The following MAPK10 variants were observed in gnomAD, a reference collection of about 807,000 sequenced individuals.
The protein encoded by MAPK10 is JNK3 alpha protein kinase.
A neutral mutation model predicts 59.3 loss-of-function variants in MAPK10; 25 were observed. The ratio of observed to expected loss-of-function variants is 0.42; its 90% CI spans 0.31 to 0.59. The LOEUF (loss-of-function observed/expected upper bound fraction) is 0.59, where lower values mean the gene tolerates loss of function less well. Ranked by LOEUF, MAPK10 falls within the 20% of genes least tolerant of loss-of-function variation. The probability of loss-of-function intolerance (pLI) is 0.15; values close to 1 mark genes in which losing one functional copy is unlikely to be tolerated. For synonymous variants in MAPK10, 190 were observed against 200.5 expected, an observed-to-expected ratio of 0.95 and a Z score of 0.44; for missense variants, 351 against 568.9, an observed-to-expected ratio of 0.62 and a Z score of 3.90.
At chr4:86,076,256 G>A (rs1243984279) in intron 9 of MAPK10, among the ~76,000 whole-genome samples, 3 of 152,028 alleles carry the variant, frequency 2.0e-5, no homozygotes, top group Non-Finnish European at 4.4e-5. Flanking sequence ...TTCGGCTCGC[G>A]CACGGTGCGC....
At chr4:86,055,711 T>C (rs544454611) in intron 11 of MAPK10, among the ~76,000 whole-genome samples, 1 of 149,876 alleles carries the variant, frequency 6.7e-6, no homozygotes, top group South Asian at 2.1e-4. Flanking sequence ...TTAAAAGAGC[T>C]TTCTTATTAT....
At chr4:86,317,764 T>C (rs536060301) in intron 2 of MAPK10, among the ~76,000 whole-genome samples, 3 of 152,312 alleles carry the variant, frequency 2.0e-5, no homozygotes, top group South Asian at 4.1e-4. Flanking sequence ...TATTTTAGCA[T>C]CTCTATTAGT....
At chr4:86,518,604 A>G (rs542266028) in intron 1 of MAPK10, among the ~76,000 whole-genome samples, 1 of 143,656 alleles carries the variant, frequency 7.0e-6, no homozygotes, top group Non-Finnish European at 1.5e-5. Context: ...TTTGGTTTCA[A>G]TTTCATTTAG....
intron 1 of MAPK10, among the ~76,000 whole-genome samples, chr4:86,480,847 G>A (rs999888635): frequency 3.9e-5 from 6 of 152,150 alleles, no homozygotes; most frequent in South Asian, 2.1e-4. Flanking sequence ...AATGAAGATC[G>A]AAAGACCCAG....
At chr4:86,574,622 A>AT (rs1761735847) in intron 1 of MAPK10, among the ~76,000 whole-genome samples, 1 of 152,108 alleles carries the variant, frequency 6.6e-6, no homozygotes, top group Non-Finnish European at 1.5e-5. Context: ...ATGGTATCTC[A>AT]TTGTGGTTTT....
At chr4:86,286,411 T>A (rs1490850527) in intron 2 of MAPK10, among the ~76,000 whole-genome samples, 1 of 152,122 alleles carries the variant, frequency 6.6e-6, no homozygotes, top group Non-Finnish European at 1.5e-5. Flanking sequence ...CGTTACTGAA[T>A]AGTAATGATA....
intron 1 of MAPK10, among the ~76,000 whole-genome samples, chr4:86,471,745 A>C (rs1056499084): frequency 6.6e-6 from 1 of 152,186 alleles, no homozygotes. Flanking sequence ...AAAAATTGTT[A>C]CTTAATTACT....
chr4:86,216,730 C>T (rs2087768225), intron 2 of MAPK10, among the ~76,000 whole-genome samples: 2 of 151,816 alleles, frequency 1.3e-5, no homozygotes, highest in Admixed American at 6.6e-5. Context: ...AATTATGACA[C>T]AGATACATGT....
At chr4:86,189,051 T>A (rs2079012920) in intron 3 of MAPK10, among the ~76,000 whole-genome samples, 1 of 152,150 alleles carries the variant, frequency 6.6e-6, no homozygotes, top group African/African-American at 2.4e-5. Context: ...ATCAGATGGT[T>A]GTAGATTTGG....
intron 1 of MAPK10, among the ~76,000 whole-genome samples, chr4:86,461,715 C>T (rs1042277103): frequency 2.6e-5 from 4 of 152,150 alleles, no homozygotes; most frequent in Admixed American, 2.6e-4. Flanking sequence ...GGAAGAGGTT[C>T]ATCCCTACCC....
At chr4:86,437,499 G>C (rs1748907529) in intron 1 of MAPK10, among the ~76,000 whole-genome samples, 1 of 152,032 alleles carries the variant, frequency 6.6e-6, no homozygotes, top group East Asian at 1.9e-4. Context: ...TCTTTTATAG[G>C]CTGCTAGATT....
Position 86,021,981 on chromosome 4 carries a change from G to A in MAPK10, c.1253-4611C>T, listed in dbSNP as rs112025231. ...CCGCACGCGGCCCGGGTTCCCGCTCGTGCCTCTCCCTCCACACCTCCCTGC... is the reference window on the plus strand; with the variant it reads ...CCGCACGCGGCCCGGGTTCCCGCTCATGCCTCTCCCTCCACACCTCCCTGC... On this transcript the variant is annotated intron_variant, in intron 13 of 13. Transcript: ENST00000641462. Among the ~76,000 whole-genome samples, 25 of 152,320 alleles carry A rather than the reference G, an allele frequency of 1.6e-4. 1 individual carries two copies. The highest frequency in any genetic ancestry group is 6.0e-4 in the African/African-American group (25 of 41,592).
At chr4:86,168,611 G>A (rs1224831303) in intron 3 of MAPK10, among the ~76,000 whole-genome samples, 3 of 152,178 alleles carry the variant, frequency 2.0e-5, no homozygotes, top group Admixed American at 6.5e-5. Flanking sequence ...GCCTGCCTCT[G>A]TAGGCTCCAC....
chr4:86,187,571 A>G (rs891451055), intron 3 of MAPK10, among the ~76,000 whole-genome samples: 2 of 152,172 alleles, frequency 1.3e-5, no homozygotes, highest in African/African-American at 4.8e-5. Flanking sequence ...ATAAGGGGGG[A>G]CTACTGTAAA....
chr4:86,260,900 T>C (rs1261552431), intron 2 of MAPK10, among the ~76,000 whole-genome samples: 5 of 152,176 alleles, frequency 3.3e-5, no homozygotes, highest in East Asian at 1.9e-4. Flanking sequence ...ATGCTGTGGA[T>C]GCAATGAAGA....
At chr4:86,234,828 C>T (rs1041174527) in intron 2 of MAPK10, among the ~76,000 whole-genome samples, 3 of 152,100 alleles carry the variant, frequency 2.0e-5, no homozygotes, top group Non-Finnish European at 4.4e-5. Context: ...AAATCAACAA[C>T]CTCTAAGACC....
chr4:86,198,552 C>T (rs1163322129), intron 2 of MAPK10, among the ~76,000 whole-genome samples: 4 of 151,930 alleles, frequency 2.6e-5, no homozygotes, highest in African/African-American at 7.2e-5. Flanking sequence ...GACTCTCCAG[C>T]GTTCTCAACA....
At chr4:86,199,029 T>C (rs1240857997) in intron 2 of MAPK10, among the ~76,000 whole-genome samples, 1 of 152,046 alleles carries the variant, frequency 6.6e-6, no homozygotes, top group Non-Finnish European at 1.5e-5. Context: ...AAGAGTATAA[T>C]ACATATTCAG....
intron 1 of MAPK10, among the ~76,000 whole-genome samples, chr4:86,543,894 A>T (rs1352757923): frequency 6.6e-6 from 1 of 152,208 alleles, no homozygotes; most frequent in Non-Finnish European, 1.5e-5. Context: ...ACAAACAAAA[A>T]TACCAACAAC....
Sources: allele counts gnomAD v4.1 joint callset (sites outside exome capture counted in the v4.1 genomes callset), GRCh38; gene constraint gnomAD v4.1.1; transcripts MANE v1.5; gene names NCBI Gene and HGNC (gene_info 2026-07-23, HGNC 2026-07-21).